LIPH: variants seen among roughly 807,000 people sequenced by gnomAD.
LIPH encodes the protein lipase member H.
LIPH carries 32 observed loss-of-function variants against 47.6 expected under a neutral mutation model. The ratio of observed to expected loss-of-function variants is 0.67; its 90% CI spans 0.51 to 0.90. The LOEUF (loss-of-function observed/expected upper bound fraction) is 0.90. Ranked by LOEUF, LIPH falls within the 40% of genes least tolerant of loss-of-function variation. LIPH has a pLI of 0.00. For missense variants in LIPH, 497 were observed against 541.4 expected, an observed-to-expected ratio of 0.92 and a Z score of 0.81; for synonymous variants, 190 against 195.6, an observed-to-expected ratio of 0.97 and a Z score of 0.24.
At chr3:185,537,336 TC>T (rs1342211367) in intron 1 of LIPH, among the ~76,000 whole-genome samples, 3 of 152,158 alleles carry the variant, frequency 2.0e-5, no homozygotes, top group Admixed American at 2.0e-4. Flanking sequence ...AAATCCCTCA[TC>T]CTAGAAAACA....
Position 185,519,193 on chromosome 3 carries a change from C to G in LIPH, c.835G>C (p.Gly279Arg), listed in dbSNP as rs1239326721. ...PCDSYQDYRN[G>R]KCVSCGTSQK... ...GACGTGCCGCAGCTGACACACTTGC[C>G]ATTCCTATAATCCTGGTAGGAGTCA... The change falls in exon 6 of 10, where the codon GGC becomes CGC. Residue 279 changes from glycine to arginine, a missense_variant. Physicochemically the swap from Gly to Arg is moderately radical, Grantham distance 125. Transcript: ENST00000296252. 1.2e-6 allele frequency: 2 copies of G among 1,613,870 alleles called. No individual in the cohort carries two copies. Among genetic ancestry groups the G allele is most frequent in the East Asian group, 4.5e-5 (2 of 44,894 alleles).
intron 1 of LIPH, among the ~76,000 whole-genome samples, chr3:185,544,149 C>T (rs574742961): frequency 1.1e-4 from 16 of 152,224 alleles, no homozygotes; most frequent in African/African-American, 2.9e-4. Context: ...GCATGCCTGG[C>T]GCTCTTGCTG....
chr3:185,543,846 C>CTTTTTTTT (rs57080060), intron 1 of LIPH, among the ~76,000 whole-genome samples: 2 of 108,706 alleles, frequency 1.8e-5, no homozygotes, highest in African/African-American at 3.4e-5. Context: ...CTGGCTCTTG[C>CTTTTTTTT]TTTTTTTTTT....
At position 185,511,527 on chromosome 3, in the gene LIPH, TCCGGATGGGCAAGGGA is replaced by T. The variant is rs1476517165; in HGVS notation, c.1249_1264del (p.Ser417ArgfsTer12). ...TCAAACCGTACCCTCAGCTCACCTC[TCCGGATGGGCAAGGGA>T]CCTTAACTTCATTCGGAGAATCCTG... On this transcript the variant is annotated frameshift_variant, in exon 9 of 10. Transcript: ENST00000296252. The T allele has an allele frequency of 1.2e-6, 2 of 1,614,040 alleles. No homozygotes were observed. Among genetic ancestry groups the T allele is most frequent in the Non-Finnish European group, 1.7e-6 (2 of 1,180,020 alleles).
At chr3:185,552,134 A>G (rs1174121986) in intron 1 of LIPH, among the ~76,000 whole-genome samples, 1 of 152,058 alleles carries the variant, frequency 6.6e-6, no homozygotes, top group African/African-American at 2.4e-5. Flanking sequence ...TAGATTTTTC[A>G]GCATATTTGA....
At chr3:185,531,473 C>T (rs1416924282) in intron 3 of LIPH, among the ~76,000 whole-genome samples, 3 of 151,232 alleles carry the variant, frequency 2.0e-5, no homozygotes, top group African/African-American at 7.3e-5. Flanking sequence ...AGGTGATCAC[C>T]TGAGCCCAGG....
intron 1 of LIPH, among the ~76,000 whole-genome samples, chr3:185,551,303 A>C (rs1377944737): frequency 6.6e-6 from 1 of 152,258 alleles, no homozygotes; most frequent in East Asian, 1.9e-4. Flanking sequence ...AAAAATTTAT[A>C]GGCCAGAAAT....
At chr3:185,523,937 G>A (rs1003325390) in intron 5 of LIPH, 134 bp downstream of exon 5, 63 of 639,218 alleles carry the variant, frequency 9.9e-5, no homozygotes, top group Non-Finnish European at 1.6e-4. Context: ...GGCCAGGCTC[G>A]TCTCAAACTC....
At chr3:185,513,338 C>CAAAAAAAAAAA (rs56090966) in intron 8 of LIPH, among the ~76,000 whole-genome samples, 1 of 109,788 alleles carries the variant, frequency 9.1e-6, no homozygotes, top group Non-Finnish European at 1.9e-5. Flanking sequence ...GGCTCTGTCT[C>CAAAAAAAAAAA]AAAAAAAAAA....
At chr3:185,546,525 G>A (rs1199324145) in intron 1 of LIPH, among the ~76,000 whole-genome samples, 1 of 152,010 alleles carries the variant, frequency 6.6e-6, no homozygotes, top group African/African-American at 2.4e-5. Flanking sequence ...CCCACTGGGT[G>A]CTGTGGCTCA....
chr3:185,550,307 A>C (rs1002511295), intron 1 of LIPH, among the ~76,000 whole-genome samples: 1 of 152,202 alleles, frequency 6.6e-6, no homozygotes, highest in Non-Finnish European at 1.5e-5. Flanking sequence ...TTCTACCTAC[A>C]GAAGTTTATT....
chr3:185,546,431 G>C (rs553565972), intron 1 of LIPH, among the ~76,000 whole-genome samples: 1 of 152,044 alleles, frequency 6.6e-6, no homozygotes, highest in African/African-American at 2.4e-5. Context: ...GGGAGGCTGA[G>C]GCAGGAAAAC....
At chr3:185,536,660 C>A (rs966783434) in intron 1 of LIPH, among the ~76,000 whole-genome samples, 1 of 151,740 alleles carries the variant, frequency 6.6e-6, no homozygotes, top group African/African-American at 2.4e-5. Context: ...AGCACAAAAC[C>A]AACCCCCCCA....
At chr3:185,530,632 T>C (rs1447667094) in intron 3 of LIPH, among the ~76,000 whole-genome samples, 1 of 152,118 alleles carries the variant, frequency 6.6e-6, no homozygotes, top group Non-Finnish European at 1.5e-5. Context: ...ATCGTGACAC[T>C]GTAATACAGC....
In LIPH at chr3:185,532,439, G is replaced by C. The variant is rs566096398; in HGVS notation, c.526+1132C>G. Among the ~76,000 whole-genome samples the C allele has an allele frequency of 4.1e-4, 63 of 152,006 alleles. 1 individual carries two copies. The highest frequency in any genetic ancestry group is 1.2e-3 in the East Asian group (6 of 5,170). On this transcript the variant is annotated intron_variant, in intron 3 of 9. Transcript: ENST00000296252. ...AGTGGAGGACTGCTTGTGCCTGGGG[G>C]GGCGTTGAGGCTGCAGTGAGCTGCA...
At chr3:185,540,677 C>T (rs911813549) in intron 1 of LIPH, among the ~76,000 whole-genome samples, 51 of 150,940 alleles carry the variant, frequency 3.4e-4, no homozygotes, top group African/African-American at 1.1e-3. Context: ...GAGATCTCAC[C>T]ACTGCATTCT....
chr3:185,533,227 A>G (rs1720390346), intron 3 of LIPH, among the ~76,000 whole-genome samples: 1 of 152,178 alleles, frequency 6.6e-6, no homozygotes, highest in South Asian at 2.1e-4. Flanking sequence ...TTAGGTTTAT[A>G]GTTCAGGGTC....
At position 185,511,533 on chromosome 3, in the gene LIPH, T is replaced by C; in HGVS notation, c.1259A>G (p.His420Arg). 1 of 1,614,182 alleles carries C rather than the reference T, an allele frequency of 6.2e-7. No individual in the cohort carries two copies. The highest frequency in any genetic ancestry group is 8.5e-7 in the Non-Finnish European group (1 of 1,180,010). Residue 420 changes from histidine to arginine, a missense_variant, in exon 9 of 10, where the codon CAT becomes CGT. Physicochemically the swap from His to Arg is conservative, Grantham distance 29. Coordinates refer to ENST00000296252, the MANE Select transcript of LIPH (RefSeq NM_139248.3). ...CGTACCCTCAGCTCACCTCTCCGGATGGGCAAGGGACCTTAACTTCATTCG... is the reference window on the plus strand; with the variant it reads ...CGTACCCTCAGCTCACCTCTCCGGACGGGCAAGGGACCTTAACTTCATTCG... ...ILRMKLRSLA[H>R]PERPQLCRYD...
intron 3 of LIPH, among the ~76,000 whole-genome samples, chr3:185,531,980 C>T (rs1720344577): frequency 1.3e-5 from 2 of 151,374 alleles, no homozygotes; most frequent in African/African-American, 4.9e-5. Context: ...GCTGGGATTA[C>T]AGGCATGAGC....
Sources: gnomAD v4.1 joint callset for allele counts (sites outside exome capture counted in the v4.1 genomes callset) on GRCh38, gnomAD v4.1.1 for gene constraint, MANE v1.5 for transcripts, NCBI Gene and HGNC (gene_info 2026-07-23, HGNC 2026-07-21) for gene names.